Variants in RFC4 observed in about 807,000 individuals in gnomAD.
RFC4 encodes replication factor C subunit 4, also known as A1 37 kDa subunit.
Under a neutral mutation model 47.6 loss-of-function variants are expected in RFC4, and 38 were observed. The observed-to-expected ratio is 0.80, with a 90% CI of 0.62 to 1.05. RFC4 has a LOEUF of 1.05. RFC4 is among the 50% of genes least tolerant of loss of function. RFC4 has a pLI of 0.00. For synonymous variants in RFC4, 164 were observed against 150.0 expected, an observed-to-expected ratio of 1.09 and a Z score of -0.68; for missense variants, 489 against 434.0, an observed-to-expected ratio of 1.13 and a Z score of -1.13.
In RFC4 at chr3:186,794,763, C is replaced by A; in HGVS notation, c.305G>T (p.Arg102Leu). Reference sequence around the variant, plus strand: ...TGCATTTAACTCAAGAACTCTTAATCGGAAAAGTTCAGGCCTATCTCAAAA... The same window carrying A: ...TGCATTTAACTCAAGAACTCTTAATAGGAAAAGTTCAGGCCTATCTCAAAA... ...ARELFGPELF[R>L]LRVLELNASD... The change falls in exon 5 of 11, where the codon CGA becomes CTA. Residue 102 changes from arginine (R) to leucine (L), a missense_variant. Arg to Leu is a moderately radical substitution (Grantham distance 102). Around this residue, in one of 2 missense-constraint regions of RFC4, gnomAD observed 206 missense variants for 257.8 expected, o/e 0.80. Coordinates refer to ENST00000296273, the MANE Select transcript of RFC4 (RefSeq NM_002916.5). 1 of 1,613,732 alleles carries A rather than the reference C, an allele frequency of 6.2e-7. No individual in the cohort carries two copies.
chr3:186,797,201 A>C (rs1456703896), intron 4 of RFC4, among the ~76,000 whole-genome samples: 2 of 152,190 alleles, frequency 1.3e-5, no homozygotes, highest in Non-Finnish European at 2.9e-5. Context: ...CACAATCATT[A>C]AGAGGGTGAT....
Position 186,804,562 on chromosome 3 carries a change from CA to C in RFC4, c.131+20del. ...AGAGATAATTTATGAATTATTTTAA[CA>C]AAGACACAAGTGTTCTTACTATTTT... is the stretch of plus-strand genomic sequence containing the variant. On this transcript the variant is annotated intron_variant, in intron 2 of 10. Coordinates refer to ENST00000296273, the MANE Select transcript of RFC4 (RefSeq NM_002916.5). 1 of 1,604,116 alleles carries C rather than the reference CA, an allele frequency of 6.2e-7. No homozygotes were observed. The highest frequency in any genetic ancestry group is 8.5e-7 in the Non-Finnish European group (1 of 1,173,280).
chr3:186,802,459 T>C (rs1044441000), intron 2 of RFC4, among the ~76,000 whole-genome samples: 1 of 152,364 alleles, frequency 6.6e-6, no homozygotes, highest in South Asian at 2.1e-4. Flanking sequence ...ATACTTAGTA[T>C]GTGTTAACTG....
intron 1 of RFC4, among the ~76,000 whole-genome samples, chr3:186,805,232 T>G (rs1227481789): frequency 6.6e-6 from 1 of 152,134 alleles, no homozygotes; most frequent in Non-Finnish European, 1.5e-5. Flanking sequence ...TTGTTGTTGT[T>G]GTTTTTGAGA....
chr3:186,805,835 T>G (rs940785915), intron 1 of RFC4, among the ~76,000 whole-genome samples: 1 of 152,190 alleles, frequency 6.6e-6, no homozygotes, highest in Middle Eastern at 3.2e-3. Flanking sequence ...CATGCCCTGG[T>G]GCCTAGAACA....
At chr3:186,805,221 T>G (rs1207603544) in intron 1 of RFC4, among the ~76,000 whole-genome samples, 2 of 152,062 alleles carry the variant, frequency 1.3e-5, no homozygotes, top group African/African-American at 4.8e-5. Flanking sequence ...AAGACCTTTT[T>G]TTGTTGTTGT....
intron 3 of RFC4, among the ~76,000 whole-genome samples, chr3:186,800,117 G>A (rs1722322846): frequency 6.6e-6 from 1 of 151,874 alleles, no homozygotes; most frequent in African/African-American, 2.4e-5. Context: ...CACCACGCCT[G>A]GCTACTTTTT....
At chr3:186,804,260 TA>T (rs1722426654) in intron 2 of RFC4, among the ~76,000 whole-genome samples, 1 of 152,202 alleles carries the variant, frequency 6.6e-6, no homozygotes, top group East Asian at 1.9e-4. Flanking sequence ...TATTTGGATT[TA>T]AGTAGAACTC....
intron 9 of RFC4, 26 bp downstream of exon 9, chr3:186,790,292 ATTCCTTTC>A: frequency 6.2e-7 from 1 of 1,611,438 alleles, no homozygotes; most frequent in Non-Finnish European, 8.5e-7. Flanking sequence ...ATGACTTAAT[ATTCCTTTC>A]CCCAAAGTTA....
chr3:186,796,028 C>T lies in RFC4; in HGVS notation c.291-1251G>A, dbSNP rs1722237745. Reference sequence around the variant, plus strand: ...TTTGAAACTTCCCTCTAGTCTTTTACACACACACACACACACACACACACA... The same window carrying T: ...TTTGAAACTTCCCTCTAGTCTTTTATACACACACACACACACACACACACA... On this transcript the variant is annotated intron_variant, in intron 4 of 10. Coordinates refer to ENST00000296273, the MANE Select transcript of RFC4 (RefSeq NM_002916.5). The surrounding 1 kb of genome is among the most constrained non-coding windows in gnomAD (Gnocchi z 4.2). Among the ~76,000 whole-genome samples the T allele has an allele frequency of 1.3e-5, 1 of 79,240 alleles. No individual in the cohort carries two copies. Among genetic ancestry groups the T allele is most frequent in the African/African-American group, 3.8e-5 (1 of 26,434 alleles). 52.0% of individuals were successfully genotyped at this position (79,240 alleles called of 152,430 possible). A position where few individuals can be genotyped will look rare whatever the true frequency, so the allele number is the denominator to read the frequency against.
chr3:186,790,683 GATT>G (rs1188724759), intron 8 of RFC4, among the ~76,000 whole-genome samples: 1 of 152,170 alleles, frequency 6.6e-6, no homozygotes, highest in Non-Finnish European at 1.5e-5. Flanking sequence ...AGTGGATGAA[GATT>G]AAGTTTTCCC....
intron 8 of RFC4, 31 bp downstream of exon 8, chr3:186,791,694 A>C: frequency 1.9e-6 from 3 of 1,609,184 alleles, no homozygotes; most frequent in Non-Finnish European, 2.6e-6. Flanking sequence ...AAGCCAACTA[A>C]AAAGAAATTC....
rs1487591446 is a variant in RFC4 at position 186,791,828 on chromosome 3, A to C, written c.698T>G (p.Val233Gly). 7 of 1,612,322 alleles carry C rather than the reference A, an allele frequency of 4.3e-6. No individual in the cohort carries two copies. Among genetic ancestry groups the C allele is most frequent in the Non-Finnish European group, 5.9e-6 (7 of 1,178,636 alleles). ...SDEGIAYLVK[V>G]SEGDLRKAIT... Reference sequence around the variant, plus strand: ...GGCTTTTCTTAAGTCTCCTTCTGACACTTTAACAAGATAAGCTATTCCCTG... The same window carrying C: ...GGCTTTTCTTAAGTCTCCTTCTGACCCTTTAACAAGATAAGCTATTCCCTG... Residue 233 changes from valine to glycine, a missense_variant, in exon 8 of 11, where the codon GTG becomes GGG. By Grantham distance (109) the Val-to-Gly change is moderately radical (BLOSUM62 -3). Around this residue, in one of 2 missense-constraint regions of RFC4, gnomAD observed 283 missense variants for 176.2 expected, o/e 1.61. Coordinates refer to ENST00000296273, the MANE Select transcript of RFC4 (RefSeq NM_002916.5).
chr3:186,790,335 A>G lies in RFC4; in HGVS notation c.873T>C (p.Ala291=). 1.2e-6 allele frequency: 2 copies of G among 1,613,778 alleles called. No homozygotes were observed. Among genetic ancestry groups the G allele is most frequent in the Admixed American group, 1.7e-5 (1 of 60,016 alleles). The change falls in exon 9 of 11, where the codon GCT becomes GCC. Residue 291 remains alanine (A), a synonymous_variant. Transcript: ENST00000296273. ...CQSGSFDKLE[A]VVKDLIDEGH... Reference sequence around the variant, plus strand: ...AGTAAGCTGACTTTACCTTGACCACAGCTTCTAGTTTGTCAAAAGAGCCAC... The same window carrying G: ...AGTAAGCTGACTTTACCTTGACCACGGCTTCTAGTTTGTCAAAAGAGCCAC...
chr3:186,802,179 C>A (rs906930026), intron 2 of RFC4, among the ~76,000 whole-genome samples: 1 of 151,776 alleles, frequency 6.6e-6, no homozygotes, highest in African/African-American at 2.4e-5. Context: ...ATGGTGAAAC[C>A]CCGTCTGTAT....
In RFC4 at chr3:186,801,339, A is replaced by C. The variant is rs1722347398; in HGVS notation, c.132-144T>G. 5.1e-5 allele frequency: 33 copies of C among 646,800 alleles called. 2 individuals are homozygous for C. In the Middle Eastern group the frequency reaches 1.5e-3, roughly 30 times the overall value. 40.1% of individuals were successfully genotyped at this position (646,800 alleles called of 1,614,324 possible). ...GAGAAACTTTTTCATAATCGGAAATAGGTGGAAACCCCACTTGTTTTTACC... is the reference window on the plus strand; with the variant it reads ...GAGAAACTTTTTCATAATCGGAAATCGGTGGAAACCCCACTTGTTTTTACC... On this transcript the variant is annotated intron_variant, in intron 2 of 10. Transcript: ENST00000296273.
chr3:186,791,955 G>A, intron 7 of RFC4, 105 bp from the exon 8 acceptor site: 2 of 988,080 alleles, frequency 2.0e-6, no homozygotes, highest in South Asian at 3.3e-5. Flanking sequence ...TTAGTCTAGA[G>A]TTAATGAGAA....
rs569327919 is a variant in RFC4 at position 186,803,215 on chromosome 3, T to C, written c.131+1368A>G. Among the ~76,000 whole-genome samples the C allele has an allele frequency of 1.5e-3, 230 of 151,988 alleles. 1 individual carries two copies. The highest frequency in any genetic ancestry group is 5.4e-3 in the African/African-American group (222 of 41,490). On this transcript the variant is annotated intron_variant, in intron 2 of 10. Coordinates refer to ENST00000296273, the MANE Select transcript of RFC4 (RefSeq NM_002916.5). ...AAAATTAGCTGAGTGTGGTGGGGCA[T>C]GTCTGTAATCCCAGCTACTCGGGAG...
chr3:186,798,065 T>TA (rs1722277495), intron 3 of RFC4, among the ~76,000 whole-genome samples: 1 of 152,036 alleles, frequency 6.6e-6, no homozygotes, highest in African/African-American at 2.4e-5. Context: ...GAAAAAGGAC[T>TA]AAAAAAGACA....
Sources: gnomAD v4.1 joint callset for allele counts (sites outside exome capture counted in the v4.1 genomes callset) on GRCh38, gnomAD v4.1.1 for gene constraint, gnomAD v4.1.1 regional missense constraint, Gnocchi (gnomAD v3.1) non-coding constraint, MANE v1.5 for transcripts, NCBI Gene and HGNC (gene_info 2026-07-23, HGNC 2026-07-21) for gene names.